KIAA0930: variants seen among roughly 807,000 people sequenced by gnomAD.
KIAA0930 encodes KIAA0930, also known as uncharacterized protein KIAA0930.
In KIAA0930, 24 loss-of-function variants were observed where a neutral mutation model predicts 43.9. The ratio of observed to expected loss-of-function variants is 0.55; its 90% CI spans 0.40 to 0.77. The LOEUF is 0.77. Among genes scored for constraint, KIAA0930 ranks in the 30% least tolerant of loss-of-function variants. KIAA0930 has a pLI of 0.00. For missense variants in KIAA0930, 461 were observed against 574.2 expected (o/e 0.80, Z 2.02); for synonymous variants, 259 against 216.4 (o/e 1.20, Z -1.73).
Position 45,211,957 on chromosome 22 carries a change from T to C in KIAA0930, c.215A>G (p.Lys72Arg), listed in dbSNP as rs760998935. Residue 72 changes from lysine to arginine, a missense_variant and splice_region_variant, in exon 2 of 10, where the codon AAG becomes AGG. Lys to Arg is a conservative substitution (Grantham distance 26). Coordinates refer to ENST00000336156, the MANE Select transcript of KIAA0930 (RefSeq NM_001009880.2). Reference protein sequence around the residue: ...SGSESGADGRKAAEPEVEVEV... With the variant: ...SGSESGADGRRAAEPEVEVEV... ...GGGCAGGGGCCGGGGGTCACTCACC[T>C]TCCTCCCGTCTGCACCGCTTTCGCT... 3 of 1,610,356 alleles carry C rather than the reference T, an allele frequency of 1.9e-6. No homozygotes were observed. The highest frequency in any genetic ancestry group is 3.3e-5 in the Admixed American group (2 of 59,954).
At chr22:45,221,588 G>A (rs75193063) in intron 1 of KIAA0930, among the ~76,000 whole-genome samples, 3,107 of 152,256 alleles carry the variant, frequency 0.02, 103 homozygotes, top group African/African-American at 0.071. Flanking sequence ...TGGCATATAT[G>A]ACATAATAAA....
intron 5 of KIAA0930, 45 bp from the exon 6 acceptor site, chr22:45,204,030 A>G (rs1216593495): frequency 6.2e-7 from 1 of 1,610,354 alleles, no homozygotes; most frequent in Non-Finnish European, 8.5e-7. Context: ...ATCAGCTCCC[A>G]CCGCCCACAC....
At chr22:45,212,474 TG>T in intron 1 of KIAA0930, 2 of 1,443,178 alleles carry the variant, frequency 1.4e-6, no homozygotes, top group Non-Finnish European at 1.8e-6. Flanking sequence ...CGGGAAGGCT[TG>T]GCTGGGGGGG....
intron 1 of KIAA0930, 22 bp from the exon 2 acceptor site, chr22:45,212,129 G>A (rs774603784): frequency 3.9e-5 from 63 of 1,613,614 alleles, no homozygotes; most frequent in Non-Finnish European, 5.3e-5. Flanking sequence ...GGCCAGACAG[G>A]AGTGAGGAAG....
chr22:45,237,924 CTTTT>C (rs35293203), intron 1 of KIAA0930, among the ~76,000 whole-genome samples: 1 of 143,640 alleles, frequency 7.0e-6, no homozygotes. Context: ...AAAATGAGCC[CTTTT>C]TTTTTTTTTT....
intron 1 of KIAA0930, among the ~76,000 whole-genome samples, chr22:45,224,943 C>T (rs1482339241): frequency 6.6e-6 from 1 of 152,008 alleles, no homozygotes; most frequent in South Asian, 2.1e-4. Flanking sequence ...GAGAAGGCGT[C>T]TGCCGTGGGG....
At chr22:45,230,339 C>T (rs1465500575) in intron 1 of KIAA0930, among the ~76,000 whole-genome samples, 3 of 152,124 alleles carry the variant, frequency 2.0e-5, no homozygotes, top group African/African-American at 7.2e-5. Context: ...GTTCAGGCCA[C>T]GTTACCCCAA....
At chr22:45,201,916 G>A (rs1210703199) in intron 7 of KIAA0930, among the ~76,000 whole-genome samples, 1 of 152,234 alleles carries the variant, frequency 6.6e-6, no homozygotes, top group Non-Finnish European at 1.5e-5. Flanking sequence ...TGCTTTCCAA[G>A]TAGGTCAACA....
At chr22:45,235,600 G>C (rs1231943475) in intron 1 of KIAA0930, among the ~76,000 whole-genome samples, 1 of 152,150 alleles carries the variant, frequency 6.6e-6, no homozygotes, top group Non-Finnish European at 1.5e-5. Context: ...CGAGCGTCGG[G>C]GCATAAATAC....
intron 2 of KIAA0930, among the ~76,000 whole-genome samples, chr22:45,207,191 A>C (rs1228942937): frequency 8.1e-5 from 10 of 123,270 alleles, no homozygotes; most frequent in Non-Finnish European, 1.4e-4. Context: ...CTGTATTTTT[A>C]ATAGAGAGGG....
intron 1 of KIAA0930, among the ~76,000 whole-genome samples, chr22:45,233,712 T>C (rs1422990536): frequency 1.3e-5 from 2 of 152,078 alleles, no homozygotes; most frequent in African/African-American, 2.4e-5. Flanking sequence ...CTCTGCCCTC[T>C]TAGGAAGCTG....
At chr22:45,202,117 G>A (rs987155680) in intron 7 of KIAA0930, among the ~76,000 whole-genome samples, 5 of 152,258 alleles carry the variant, frequency 3.3e-5, no homozygotes, top group South Asian at 2.1e-4. Flanking sequence ...TGTGGGTGGC[G>A]TCTCTCCTGG....
chr22:45,228,134 G>A (rs1032530470), intron 1 of KIAA0930, among the ~76,000 whole-genome samples: 3 of 152,174 alleles, frequency 2.0e-5, no homozygotes, highest in African/African-American at 7.2e-5. Flanking sequence ...TGGGATGAGA[G>A]GGTTCGATTT....
chr22:45,239,335 C>T (rs2138149), intron 1 of KIAA0930, among the ~76,000 whole-genome samples: 102,696 of 152,196 alleles, frequency 0.67, 34,987 homozygotes, highest in East Asian at 0.84. Context: ...TGAATAAGCA[C>T]GCTCCAACTT....
chr22:45,228,733 TC>T (rs2083820248), intron 1 of KIAA0930, among the ~76,000 whole-genome samples: 1 of 24,764 alleles, frequency 4.0e-5, no homozygotes, highest in Non-Finnish European at 7.0e-5. Flanking sequence ...AAGATCCCTC[TC>T]CACCCCCCTA....
At chr22:45,235,052 G>A (rs972410916) in intron 1 of KIAA0930, among the ~76,000 whole-genome samples, 1 of 151,850 alleles carries the variant, frequency 6.6e-6, no homozygotes, top group African/African-American at 2.4e-5. Flanking sequence ...ATGTTAACAA[G>A]TCTCCTGCTT....
At chr22:45,209,854 C>T (rs887127587) in intron 2 of KIAA0930, among the ~76,000 whole-genome samples, 9 of 152,132 alleles carry the variant, frequency 5.9e-5, no homozygotes, top group South Asian at 2.1e-4. Context: ...TCACTGACCT[C>T]GACACCCCCA....
At chr22:45,201,662 C>G (rs973047532) in intron 7 of KIAA0930, among the ~76,000 whole-genome samples, 48 of 152,306 alleles carry the variant, frequency 3.2e-4, no homozygotes, top group African/African-American at 1.1e-3. Flanking sequence ...AGAGAGGCCC[C>G]TGCCTGGAAT....
chr22:45,220,114 A>G (rs1203436870), intron 1 of KIAA0930, among the ~76,000 whole-genome samples: 2 of 152,182 alleles, frequency 1.3e-5, no homozygotes, highest in Non-Finnish European at 2.9e-5. Flanking sequence ...CCAGCAACTT[A>G]TTAAAAATAT....
Sources: gnomAD v4.1 joint callset for allele counts (sites outside exome capture counted in the v4.1 genomes callset) on GRCh38, gnomAD v4.1.1 for gene constraint, MANE v1.5 for transcripts, NCBI Gene and HGNC (gene_info 2026-07-23, HGNC 2026-07-21) for gene names.